Variants in SRCIN1 observed in about 807,000 individuals in gnomAD.
SRCIN1 encodes the protein SRC kinase signaling inhibitor 1, also known as P130Cas-associated protein.
A neutral mutation model predicts 116.2 loss-of-function variants in SRCIN1; 50 were observed. The ratio of observed to expected loss-of-function variants is 0.43; its 90% CI spans 0.34 to 0.54. The LOEUF is 0.54. SRCIN1 is among the 20% of genes least tolerant of loss of function. SRCIN1 has a pLI of 0.02. For missense variants in SRCIN1, 1,446 were observed against 1,672.0 expected, an observed-to-expected ratio of 0.86 and a Z score of 2.36; for synonymous variants, 736 against 750.0, an observed-to-expected ratio of 0.98 and a Z score of 0.30.
intron 1 of SRCIN1, 114 bp from the exon 2 acceptor site, chr17:38,578,905 G>C (rs997157623): frequency 1.6e-6 from 2 of 1,248,512 alleles, no homozygotes; most frequent in African/African-American, 3.1e-5. Context: ...GGAGAGTGGA[G>C]AGGCGCCCGG....
intron 1 of SRCIN1, among the ~76,000 whole-genome samples, chr17:38,580,115 C>A (rs758709394): frequency 2.0e-5 from 3 of 152,156 alleles, no homozygotes; most frequent in Admixed American, 6.5e-5. Flanking sequence ...ACAGGGGACG[C>A]GGCTGGAAAC....
At position 38,562,321 on chromosome 17, in the gene SRCIN1, A is replaced by C; in HGVS notation, c.842T>G (p.Met281Arg). 3 of 1,470,990 alleles carry C rather than the reference A, an allele frequency of 2.0e-6. No individual in the cohort carries two copies. Among genetic ancestry groups the C allele is most frequent in the Non-Finnish European group, 2.7e-6 (3 of 1,120,092 alleles). 91.1% of individuals were successfully genotyped at this position (1,470,990 alleles called of 1,614,324 possible). ...HLTNGDLRRE[M>R]VYASRESSPT... is the part of the protein sequence containing the mutation. ...CGAGGACTCCCGCGATGCGTACACC[A>C]TCTCTCTCTGCGCAGAAGACAGCCC... Residue 281 changes from methionine to arginine, a missense_variant, in exon 7 of 19, where the codon ATG becomes AGG. Around this residue, in one of 5 missense-constraint regions of SRCIN1, gnomAD observed 239 missense variants for 317.7 expected, o/e 0.75. Coordinates refer to ENST00000617146, the MANE Select transcript of SRCIN1 (RefSeq NM_025248.3). The surrounding 1 kb of genome is among the most constrained non-coding windows in gnomAD (Gnocchi z 4.2).
chr17:38,542,996 C>G, intron 18 of SRCIN1: 1 of 442,694 alleles, frequency 2.3e-6, no homozygotes. Context: ...TTAACTAAAT[C>G]AAACGAGTGC....
Position 38,604,629 on chromosome 17 carries a change from C to T in SRCIN1, c.22+1055G>A, listed in dbSNP as rs1319503611. 1 of 423,386 alleles carries T rather than the reference C, an allele frequency of 2.4e-6. No homozygotes were observed. Among genetic ancestry groups the T allele is most frequent in the Non-Finnish European group, 4.7e-6 (1 of 211,856 alleles). The allele number at this position is 423,386 out of a possible 1,614,324, so 26.2% of individuals were successfully genotyped here. ...GGGACGCGTGGGGCTGGGGGACGAG[C>T]ACCAGCAGCCGCACACGCCCCGCCG... is the stretch of plus-strand genomic sequence containing the variant. On this transcript the variant is annotated intron_variant, in intron 1 of 18. Coordinates refer to ENST00000617146, the MANE Select transcript of SRCIN1 (RefSeq NM_025248.3). The surrounding 1 kb of genome is among the most constrained non-coding windows in gnomAD (Gnocchi z 4.3).
Position 38,563,773 on chromosome 17 carries a change from G to A in SRCIN1, c.542-252C>T, listed in dbSNP as rs1906462367. 7.4e-6 allele frequency: 5 copies of A among 676,454 alleles called. No homozygotes were observed. The highest frequency in any genetic ancestry group is 5.4e-5 in the East Asian group (2 of 36,946). 41.9% of individuals were successfully genotyped at this position (676,454 alleles called of 1,614,324 possible). ...GGAACTTGGACAAGGAAATGGAAGT[G>A]GGGGCAGAGCAGGTGGGGCGGAAAC... is the stretch of plus-strand genomic sequence containing the variant. On this transcript the variant is annotated intron_variant, in intron 4 of 18. Transcript: ENST00000617146. The surrounding 1 kb of genome is among the most constrained non-coding windows in gnomAD (Gnocchi z 5.8).
Position 38,578,543 on chromosome 17 carries a change from A to T in SRCIN1, c.271T>A (p.Tyr91Asn), listed in dbSNP as rs199523763. Residue 91 changes from tyrosine to asparagine, a missense_variant, in exon 2 of 19, where the codon TAC (tyrosine) becomes AAC (asparagine). This residue lies in a region of SRCIN1 where 246 missense variants were observed against 265.1 expected (regional missense o/e 0.93). Transcript: ENST00000617146. ...DAFMDHLKSKYPQHALALRGQ... is the reference protein window; with the variant it reads ...DAFMDHLKSKNPQHALALRGQ... The stretch of plus-strand genomic sequence containing the variant: ...CGCAGGGCCAGGGCGTGCTGTGGGT[A>T]CTTGCTCTTCAGGTGGTCCATGAAG... 2.6e-5 allele frequency: 42 copies of T among 1,602,932 alleles called. No homozygotes were observed. Among genetic ancestry groups the T allele is most frequent in the Non-Finnish European group, 2.9e-5 (34 of 1,171,262 alleles).
rs1463525206 is a variant in SRCIN1, at chr17:38,589,603, ATGAG to A, written c.23-10816_23-10813del. ...ATGCTTAGCCAATGGGGCGATGTTC[ATGAG>A]TGAGACCCTCCTCTGGGACCTGGTT... is the stretch of plus-strand genomic sequence containing the variant. On this transcript the variant is annotated intron_variant, in intron 1 of 18. Transcript: ENST00000617146. Among the ~76,000 whole-genome samples the A allele has an allele frequency of 3.9e-5, 6 of 152,320 alleles. No homozygotes were observed. In the East Asian group the frequency reaches 9.7e-4, roughly 25 times the overall value.
chr17:38,534,391 TGC>T (rs1314957244), intron 18 of SRCIN1, among the ~76,000 whole-genome samples: 1 of 152,216 alleles, frequency 6.6e-6, no homozygotes, highest in Non-Finnish European at 1.5e-5. Context: ...GTGCCTCTGC[TGC>T]ACACTTACCT....
At chr17:38,590,247 C>G (rs1597931406) in intron 1 of SRCIN1, among the ~76,000 whole-genome samples, 1 of 152,304 alleles carries the variant, frequency 6.6e-6, no homozygotes, top group East Asian at 1.9e-4. Flanking sequence ...GATAACCACT[C>G]TTTTTCTTGA....
rs761238721 is a variant in SRCIN1 at position 38,551,349 on chromosome 17, G to A, written c.2768C>T (p.Thr923Ile). The A allele has an allele frequency of 6.2e-7, 1 of 1,613,620 alleles. No homozygotes were observed. Residue 923 changes from threonine (T) to isoleucine (I), a missense_variant, in exon 15 of 19, where the codon ACC becomes ATC. Thr to Ile is a moderately conservative substitution (Grantham distance 89). This residue lies in a region of SRCIN1 where 531 missense variants were observed against 633.9 expected (regional missense o/e 0.84). Coordinates refer to ENST00000617146, the MANE Select transcript of SRCIN1 (RefSeq NM_025248.3). ...RDWEEKRAAL[T>I]QYSAKDINRL... ...GTTGATGTCCTTGGCACTGTACTGG[G>A]TCAGGGCTGCCCGCTTCTCCTCCCA...
At chr17:38,574,312 C>T (rs547294320) in intron 2 of SRCIN1, among the ~76,000 whole-genome samples, 96 of 152,314 alleles carry the variant, frequency 6.3e-4, no homozygotes, top group Non-Finnish European at 1.1e-3. Flanking sequence ...TAAGATCTAT[C>T]TTCCCATAAC....
intron 1 of SRCIN1, among the ~76,000 whole-genome samples, chr17:38,601,917 G>A (rs560391164): frequency 6.6e-6 from 1 of 152,200 alleles, no homozygotes; most frequent in South Asian, 2.1e-4. Context: ...GACGAGGACA[G>A]GGTTAGAGAG....
At chr17:38,565,818 T>G (rs1354205341) in intron 3 of SRCIN1, among the ~76,000 whole-genome samples, 1 of 152,102 alleles carries the variant, frequency 6.6e-6, no homozygotes, top group Non-Finnish European at 1.5e-5. Context: ...CTCTCAAGCA[T>G]AATGCCTTGA....
chr17:38,579,916 C>T (rs1907688253), intron 1 of SRCIN1, among the ~76,000 whole-genome samples: 1 of 152,132 alleles, frequency 6.6e-6, no homozygotes, highest in Non-Finnish European at 1.5e-5. Flanking sequence ...GATTTGTGCC[C>T]CTCAGAAGTC....
chr17:38,602,061 A>T lies in SRCIN1; in HGVS notation c.22+3623T>A, dbSNP rs1007164455. Among the ~76,000 whole-genome samples, 5 of 152,046 alleles carry T rather than the reference A, an allele frequency of 3.3e-5. No homozygotes were observed. In the East Asian group the frequency reaches 9.6e-4, roughly 29 times the overall value. ...GAGGGCATCCAGGGGAGTGCTCTGG[A>T]GCCCAGGTATCGGGTAGAGGAACCC... is the stretch of plus-strand genomic sequence containing the variant. On this transcript the variant is annotated intron_variant, in intron 1 of 18. Coordinates refer to ENST00000617146, the MANE Select transcript of SRCIN1 (RefSeq NM_025248.3). The surrounding 1 kb of genome is among the most constrained non-coding windows in gnomAD (Gnocchi z 4.2).
In SRCIN1 at chr17:38,562,162, C is replaced by G; in HGVS notation, c.1001G>C (p.Gly334Ala). 3 of 1,368,668 alleles carry G rather than the reference C, an allele frequency of 2.2e-6. No individual in the cohort carries two copies. Among genetic ancestry groups the G allele is most frequent in the Non-Finnish European group, 2.8e-6 (3 of 1,069,050 alleles). 84.8% of individuals were successfully genotyped at this position (1,368,668 alleles called of 1,614,324 possible). A position where few individuals can be genotyped will look rare whatever the true frequency, so the allele number is the denominator to read the frequency against. ...GCCGGCGTACGAAGGCGGGCGCCCC[C>G]CGGCGTACGATAGGCGCGAACGCGA... ...SPSRSRLSYA[G>A]GRPPSYAGSP... Residue 334 changes from glycine (G) to alanine (A), a missense_variant, in exon 7 of 19, where the codon GGG (glycine) becomes GCG (alanine). Physicochemically the swap from Gly to Ala is moderately conservative, Grantham distance 60. Coordinates refer to ENST00000617146, the MANE Select transcript of SRCIN1 (RefSeq NM_025248.3). This position sits in a 1 kb window ranked among gnomAD's most constrained non-coding sequence, Gnocchi z 4.2.
intron 2 of SRCIN1, among the ~76,000 whole-genome samples, chr17:38,570,788 G>T (rs913071540): frequency 6.6e-6 from 1 of 152,234 alleles, no homozygotes; most frequent in Non-Finnish European, 1.5e-5. Context: ...ATCACTAGCA[G>T]CAGCCAAGGG....
chr17:38,594,842 G>C (rs1161351745), intron 1 of SRCIN1, among the ~76,000 whole-genome samples: 2 of 152,094 alleles, frequency 1.3e-5, no homozygotes, highest in Non-Finnish European at 2.9e-5. Context: ...TTGGGGGGCG[G>C]CTTCCCCTGC....
chr17:38,551,540 G>A lies in SRCIN1; in HGVS notation c.2728-151C>T, dbSNP rs956221358. 8 of 709,414 alleles carry A rather than the reference G, an allele frequency of 1.1e-5. No individual in the cohort carries two copies. The African/African-American group carries it at 1.2e-4, about 11-fold the overall frequency. 43.9% of individuals were successfully genotyped at this position (709,414 alleles called of 1,614,324 possible). The stretch of plus-strand genomic sequence containing the variant: ...CTCCAGGAAGACACTTTGACTTCTC[G>A]TGGGTATCACATGGCATCCCCATGG... On this transcript the variant is annotated intron_variant, in intron 14 of 18. Transcript: ENST00000617146.
Sources: gnomAD v4.1 joint callset for allele counts (sites outside exome capture counted in the v4.1 genomes callset) on GRCh38, gnomAD v4.1.1 for gene constraint, gnomAD v4.1.1 regional missense constraint, Gnocchi (gnomAD v3.1) non-coding constraint, MANE v1.5 for transcripts, NCBI Gene and HGNC (gene_info 2026-07-23, HGNC 2026-07-21) for gene names.